Variants in LRRTM4 observed in about 807,000 individuals in gnomAD.
LRRTM4 encodes the protein leucine-rich repeat transmembrane neuronal protein 4.
Under a neutral mutation model 47.6 loss-of-function variants are expected in LRRTM4, and 25 were observed. The ratio of observed to expected loss-of-function variants is 0.53; its 90% CI spans 0.38 to 0.73. The LOEUF (loss-of-function observed/expected upper bound fraction) is 0.73, where lower values mean the gene tolerates loss of function less well. Ranked by LOEUF, LRRTM4 falls within the 30% of genes least tolerant of loss-of-function variation. The pLI is 0.00. For synonymous variants in LRRTM4, 311 were observed against 269.5 expected (o/e 1.15, Z -1.51); for missense variants, 638 against 713.4 (o/e 0.89, Z 1.20).
intron 3 of LRRTM4, among the ~76,000 whole-genome samples, chr2:76,900,753 A>C (rs2103743266): frequency 6.6e-6 from 1 of 152,312 alleles, no homozygotes; most frequent in African/African-American, 2.4e-5. Context: ...TATTCAATGG[A>C]ATATCACTGA....
intron 3 of LRRTM4, among the ~76,000 whole-genome samples, chr2:77,263,252 C>G (rs1284553048): frequency 6.6e-6 from 1 of 152,078 alleles, no homozygotes; most frequent in Non-Finnish European, 1.5e-5. Context: ...CACACCTTGT[C>G]CCCTGCATCT....
chr2:77,497,782 C>G (rs1029648047), intron 3 of LRRTM4, among the ~76,000 whole-genome samples: 5 of 151,222 alleles, frequency 3.3e-5, no homozygotes, highest in Non-Finnish European at 7.4e-5. Context: ...GCTCAAGTTG[C>G]TGATACCAGT....
At chr2:76,914,667 T>C (rs2103789999) in intron 3 of LRRTM4, among the ~76,000 whole-genome samples, 1 of 152,332 alleles carries the variant, frequency 6.6e-6, no homozygotes, top group Admixed American at 6.5e-5. Flanking sequence ...CTTCTATTTG[T>C]CTTTAAAATG....
At chr2:77,081,657 A>G (rs1680538651) in intron 3 of LRRTM4, among the ~76,000 whole-genome samples, 1 of 152,082 alleles carries the variant, frequency 6.6e-6, no homozygotes, top group African/African-American at 2.4e-5. Context: ...GGTTCTATAT[A>G]TTTTTCTCAA....
chr2:76,949,088 T>TG (rs1675417095), intron 3 of LRRTM4, among the ~76,000 whole-genome samples: 2 of 145,530 alleles, frequency 1.4e-5, no homozygotes, highest in African/African-American at 5.4e-5. Context: ...TAGAGTGCTT[T>TG]GGGGAAAATA....
chr2:76,760,097 G>T (rs1228160791), intron 3 of LRRTM4, among the ~76,000 whole-genome samples: 1 of 152,068 alleles, frequency 6.6e-6, no homozygotes. Flanking sequence ...TTAGAGAATT[G>T]AGTTGTATTT....
chr2:76,794,647 TTTTTTTG>T (rs757704666), intron 3 of LRRTM4, among the ~76,000 whole-genome samples: 10 of 152,088 alleles, frequency 6.6e-5, no homozygotes, highest in Non-Finnish European at 1.2e-4. Flanking sequence ...AGTATTTACA[TTTTTTTG>T]TTTATTTTCT....
intron 3 of LRRTM4, among the ~76,000 whole-genome samples, chr2:77,135,873 AAATT>A (rs1221683157): frequency 6.6e-6 from 1 of 152,216 alleles, no homozygotes; most frequent in African/African-American, 2.4e-5. Flanking sequence ...ATAAATAAAT[AAATT>A]TTTACATTTT....
intron 3 of LRRTM4, among the ~76,000 whole-genome samples, chr2:76,960,697 T>A (rs888466602): frequency 4.0e-5 from 6 of 151,614 alleles, no homozygotes; most frequent in African/African-American, 1.2e-4. Context: ...AATCACGACG[T>A]TAAGTTTTGA....
chr2:77,372,587 A>G lies in LRRTM4; in HGVS notation c.1551+145731T>C, dbSNP rs529769282. On this transcript the variant is annotated intron_variant, in intron 3 of 3. Coordinates refer to ENST00000409884, the MANE Select transcript of LRRTM4 (RefSeq NM_001134745.3). ...AGGGTACTAGGCATTGTGGTCTGGTAAAAAATTTTCCACTTACATTACAAT... is the reference window on the plus strand; with the variant it reads ...AGGGTACTAGGCATTGTGGTCTGGTGAAAAATTTTCCACTTACATTACAAT... 1.8e-4 allele frequency among the ~76,000 whole-genome samples: 28 copies of G among 151,912 alleles called. 1 individual carries two copies. In the South Asian group the frequency reaches 5.6e-3, roughly 30 times the overall value.
chr2:76,954,890 G>C (rs186601307), intron 3 of LRRTM4, among the ~76,000 whole-genome samples: 1 of 151,604 alleles, frequency 6.6e-6, no homozygotes, highest in East Asian at 2.0e-4. Context: ...GAAAGACTTG[G>C]TATGATATAG....
chr2:77,005,175 C>T (rs926045329), intron 3 of LRRTM4, among the ~76,000 whole-genome samples: 2 of 152,094 alleles, frequency 1.3e-5, no homozygotes, highest in African/African-American at 4.8e-5. Context: ...GACAGAGTCT[C>T]ACTCTGTCAC....
chr2:77,006,456 TA>T (rs1400854808), intron 3 of LRRTM4, among the ~76,000 whole-genome samples: 6 of 152,202 alleles, frequency 3.9e-5, no homozygotes, highest in African/African-American at 1.4e-4. Flanking sequence ...CAGAAAATTT[TA>T]TTTTGGTAGA....
At chr2:77,484,553 T>C (rs1677840004) in intron 3 of LRRTM4, among the ~76,000 whole-genome samples, 1 of 152,210 alleles carries the variant, frequency 6.6e-6, no homozygotes, top group Non-Finnish European at 1.5e-5. Context: ...GTTTATCTTT[T>C]AAGGATCTTA....
chr2:77,339,016 G>A (rs555234378), intron 3 of LRRTM4, among the ~76,000 whole-genome samples: 1 of 151,758 alleles, frequency 6.6e-6, no homozygotes, highest in Non-Finnish European at 1.5e-5. Context: ...ACCAAATATC[G>A]CATGTTCCCA....
At chr2:76,776,790 T>A (rs1232191593) in intron 3 of LRRTM4, among the ~76,000 whole-genome samples, 3 of 145,368 alleles carry the variant, frequency 2.1e-5, no homozygotes, top group African/African-American at 5.1e-5. Context: ...ATTTTGGCTT[T>A]TGTTGCCATT....
intron 3 of LRRTM4, among the ~76,000 whole-genome samples, chr2:77,475,821 A>C (rs1451305129): frequency 6.6e-6 from 1 of 151,712 alleles, no homozygotes. Flanking sequence ...TTATGTGTGA[A>C]TTTAGGCACT....
rs150441689 is a variant in LRRTM4 at position 77,480,785 on chromosome 2, A to AGT, written c.1551+37531_1551+37532dup. ...ACTTGCTATGTGTGGCTGTTTTAGG[A>AGT]GTGTGTGTGTGTGTGTGTGTGTGTG... On this transcript the variant is annotated intron_variant, in intron 3 of 3. Coordinates refer to ENST00000409884, the MANE Select transcript of LRRTM4 (RefSeq NM_001134745.3). Among the ~76,000 whole-genome samples, 127 of 102,270 alleles carry AGT rather than the reference A, an allele frequency of 1.2e-3. 1 individual carries two copies. Among genetic ancestry groups the AGT allele is most frequent in the African/African-American group, 1.7e-3 (41 of 23,534 alleles). 67.1% of individuals were successfully genotyped at this position (102,270 alleles called of 152,430 possible).
At chr2:76,892,879 A>G (rs1408822809) in intron 3 of LRRTM4, among the ~76,000 whole-genome samples, 1 of 151,826 alleles carries the variant, frequency 6.6e-6, no homozygotes, top group East Asian at 1.9e-4. Context: ...GACTCAGATG[A>G]AAATGTGGTA....
Sources: gnomAD v4.1 joint callset for allele counts (sites outside exome capture counted in the v4.1 genomes callset) on GRCh38, gnomAD v4.1.1 for gene constraint, MANE v1.5 for transcripts, NCBI Gene and HGNC (gene_info 2026-07-23, HGNC 2026-07-21) for gene names.